Variants in RIF1 observed in about 807,000 individuals in gnomAD.
RIF1 encodes replication timing regulatory factor 1.
RIF1 carries 45 observed loss-of-function variants against 247.1 expected under a neutral mutation model. The observed-to-expected ratio is 0.18, with a 90% CI of 0.14 to 0.23. The LOEUF is 0.23. RIF1 is among the 10% of genes least tolerant of loss of function. The probability of loss-of-function intolerance (pLI) is 1.00; values close to 1 mark genes in which losing one functional copy is unlikely to be tolerated. For missense variants in RIF1, 2,967 were observed against 2,862.5 expected (o/e 1.04, Z -0.83); for synonymous variants, 1,087 against 978.8 (o/e 1.11, Z -2.06).
In RIF1 at chr2:151,468,818, T is replaced by C. The variant is rs940261500; in HGVS notation, c.6941+62T>C. ...GATGCCACTTATTTAAGAGGACTTA[T>C]CTGATTGCTTGGTTCTCATGTTTAG... On this transcript the variant is annotated intron_variant, in intron 33 of 35. Transcript: ENST00000444746. 36 of 1,139,126 alleles carry C rather than the reference T, an allele frequency of 3.2e-5. No individual in the cohort carries two copies. The East Asian group carries it at 5.4e-4, about 17-fold the overall frequency. 70.6% of individuals were successfully genotyped at this position (1,139,126 alleles called of 1,614,324 possible).
At chr2:151,457,546 T>C (rs1559001210) in intron 23 of RIF1, among the ~76,000 whole-genome samples, 1 of 152,090 alleles carries the variant, frequency 6.6e-6, no homozygotes, top group Non-Finnish European at 1.5e-5. Flanking sequence ...TAATTTCTTT[T>C]GTTAATAGAA....
the RIF1 span, among the ~76,000 whole-genome samples, chr2:151,520,225 T>A: frequency 0.019 from 2,818 of 152,230 alleles, 29 homozygotes; most frequent in Non-Finnish European, 0.029. Context: ...ATTAGGAGAA[T>A]TTATTGTTAT....
downstream of RIF1, among the ~76,000 whole-genome samples, chr2:151,482,858 T>C (rs954067870): frequency 7.9e-5 from 12 of 152,198 alleles, no homozygotes; most frequent in Admixed American, 7.9e-4. Flanking sequence ...GTGGAAGTTA[T>C]CTGTCCCATA....
intron 11 of RIF1, chr2:151,501,597 T>G: frequency 2.0e-6 from 1 of 502,646 alleles, no homozygotes; most frequent in Non-Finnish European, 3.5e-6. Flanking sequence ...TATGATGAAG[T>G]ACCTCAGTAA....
At chr2:151,506,105 G>A in intron 12 of RIF1, 1 of 1,378,976 alleles carries the variant, frequency 7.3e-7, no homozygotes, top group Non-Finnish European at 1.0e-6. Flanking sequence ...CAACTCATAG[G>A]TCATTGTAAA....
chr2:151,528,703 C>T, the RIF1 span, among the ~76,000 whole-genome samples: 36,094 of 152,096 alleles, frequency 0.24, 4,881 homozygotes, highest in Admixed American at 0.36. Flanking sequence ...TCTAAATGCA[C>T]AAAATTATTT....
intron 20 of RIF1, among the ~76,000 whole-genome samples, chr2:151,448,062 G>A (rs1050943578): frequency 2.0e-5 from 3 of 151,104 alleles, no homozygotes; most frequent in Non-Finnish European, 4.4e-5. Flanking sequence ...TTGCCCCTGA[G>A]ACAGAGTCTC....
chr2:151,516,457 AC>A, the RIF1 span: 3 of 1,602,210 alleles, frequency 1.9e-6, no homozygotes, highest in Non-Finnish European at 2.6e-6. Context: ...TTTTTGACTT[AC>A]CCCACTCTGC....
chr2:151,425,833 A>AT (rs975705164), intron 8 of RIF1, among the ~76,000 whole-genome samples: 108 of 146,292 alleles, frequency 7.4e-4, no homozygotes, highest in Non-Finnish European at 1.4e-3. Flanking sequence ...TGCTCGGCAC[A>AT]TTTTTTTTTT....
chr2:151,426,431 C>G (rs1689113462), intron 8 of RIF1, among the ~76,000 whole-genome samples: 1 of 151,716 alleles, frequency 6.6e-6, no homozygotes, highest in South Asian at 2.1e-4. Flanking sequence ...GCCTTGGCCT[C>G]CCAAAGTGCT....
At chr2:151,435,223 A>T (rs1690936707) in intron 10 of RIF1, among the ~76,000 whole-genome samples, 1 of 152,228 alleles carries the variant, frequency 6.6e-6, no homozygotes, top group Non-Finnish European at 1.5e-5. Context: ...TCTACCAGTA[A>T]TGTGTACAGT....
rs1697376479 is a variant in RIF1, at chr2:151,468,888, A to C, written c.6941+132A>C. 8.8e-6 allele frequency: 6 copies of C among 685,432 alleles called. 1 individual carries two copies. In the South Asian group the frequency reaches 1.1e-4, roughly 13 times the overall value. The allele number at this position is 685,432 out of a possible 1,614,324, so 42.5% of individuals were successfully genotyped here. On this transcript the variant is annotated intron_variant, in intron 33 of 35. Coordinates refer to ENST00000444746, the MANE Select transcript of RIF1 (RefSeq NM_018151.5). ...TCACACACATTTTATTTTTGAAATA[A>C]AAATGCAACTGAGAAGGTAGGCCAG...
In RIF1 at chr2:151,476,719, AC is replaced by A. The variant is rs1235421773; in HGVS notation, c.*1649del. The A allele has an allele frequency of 6.6e-6, 1 of 152,228 alleles. No individual in the cohort carries two copies. The highest frequency in any genetic ancestry group is 1.9e-4 in the East Asian group (1 of 5,204). The allele number at this position is 152,228 out of a possible 1,614,324, so 9.4% of individuals were successfully genotyped here. On this transcript the variant is annotated 3_prime_UTR_variant, in exon 36 of 36. Transcript: ENST00000444746. ...TGGCTTGAAGTAACTAAAGAAAAAT[AC>A]TAATTTCCTTAAAAGGAATTATAAT...
rs746041315 is a variant in RIF1 at position 151,463,233 on chromosome 2, C to T, written c.3713C>T (p.Ser1238Phe). The T allele has an allele frequency of 1.9e-6, 3 of 1,613,804 alleles. No homozygotes were observed. Among genetic ancestry groups the T allele is most frequent in the Non-Finnish European group, 2.5e-6 (3 of 1,179,840 alleles). Residue 1238 changes from serine (S) to phenylalanine (F), a missense_variant, in exon 30 of 36, where the codon TCC (serine) becomes TTC (phenylalanine). Ser to Phe is a radical substitution (Grantham distance 155, BLOSUM62 -2). Around this residue, in one of 7 missense-constraint regions of RIF1, gnomAD observed 2,028 missense variants for 1,825.6 expected, o/e 1.11. Transcript: ENST00000444746. ...TCAGAAAATAGACCTTTTAGTCCATCCCCCTTGAATAATATTTCATCAACT... is the reference window on the plus strand; with the variant it reads ...TCAGAAAATAGACCTTTTAGTCCATTCCCCTTGAATAATATTTCATCAACT... ...DGSENRPFSP[S>F]PLNNISSTVT... is the part of the protein sequence containing the mutation.
intron 31 of RIF1, 44 bp from the exon 32 acceptor site, chr2:151,468,430 A>C (rs1232958095): frequency 6.9e-7 from 1 of 1,452,300 alleles, no homozygotes; most frequent in Non-Finnish European, 9.6e-7. Context: ...AATTATAGTC[A>C]TCTAGGGTTC....
intron 25 of RIF1, among the ~76,000 whole-genome samples, chr2:151,459,533 C>G (rs1189213663): frequency 6.6e-6 from 1 of 152,168 alleles, no homozygotes; most frequent in Non-Finnish European, 1.5e-5. Flanking sequence ...AAATTTTCCA[C>G]TAGATAACTA....
At chr2:151,468,803 A>G in intron 33 of RIF1, 47 bp downstream of exon 33, 1 of 1,270,680 alleles carries the variant, frequency 7.9e-7, no homozygotes, top group Non-Finnish European at 1.2e-6. Flanking sequence ...GATGCCACTT[A>G]TTTAAGAGGA....
Position 151,443,684 on chromosome 2 carries a change from C to G in RIF1, c.1961C>G (p.Thr654Ser). The G allele has an allele frequency of 1.3e-6, 2 of 1,589,860 alleles. No homozygotes were observed. The highest frequency in any genetic ancestry group is 1.7e-6 in the Non-Finnish European group (2 of 1,172,044). The change falls in exon 18 of 36, where the codon ACC (threonine) becomes AGC (serine). Residue 654 changes from threonine (T) to serine (S), a missense_variant. Physicochemically the swap from Thr to Ser is moderately conservative, Grantham distance 58. Transcript: ENST00000444746. ...HLWKMWSVIV[T>S]PLTELINQTN... ...TGGAAAATGTGGAGTGTTATAGTCA[C>G]CCCATTAACTGAATTGATTAATCAG... is the stretch of plus-strand genomic sequence containing the variant.
chr2:151,505,779 G>A (rs1461160332), intron 12 of RIF1, among the ~76,000 whole-genome samples: 1 of 152,100 alleles, frequency 6.6e-6, no homozygotes, highest in Non-Finnish European at 1.5e-5. Context: ...TCTCTCTCTC[G>A]TCTCTTTGGG....
Sources: allele counts gnomAD v4.1 joint callset (sites outside exome capture counted in the v4.1 genomes callset), GRCh38; gene constraint gnomAD v4.1.1; regional missense constraint gnomAD v4.1.1; transcripts MANE v1.5; gene names NCBI Gene and HGNC (gene_info 2026-07-23, HGNC 2026-07-21).